FAM184B: variants seen among roughly 807,000 people sequenced by gnomAD.
FAM184B encodes family with sequence similarity 184 member B.
A neutral mutation model predicts 135.9 loss-of-function variants in FAM184B; 111 were observed. That is an observed-to-expected ratio of 0.82 (90% confidence interval 0.70 to 0.96). FAM184B has a LOEUF of 0.96. Among genes scored for constraint, FAM184B ranks in the 40% least tolerant of loss-of-function variants. The pLI, the probability that FAM184B is intolerant of heterozygous loss-of-function variation, is 0.00. For synonymous variants in FAM184B, 552 were observed against 524.8 expected, an observed-to-expected ratio of 1.05 and a Z score of -0.71; for missense variants, 1,375 against 1,323.9, an observed-to-expected ratio of 1.04 and a Z score of -0.60.
chr4:17,751,823 G>A (rs370653663), intron 1 of FAM184B, among the ~76,000 whole-genome samples: 23 of 115,900 alleles, frequency 2.0e-4, no homozygotes, highest in Admixed American at 6.8e-4. Context: ...TAAAAACAAG[G>A]CACACACACA....
chr4:17,744,490 CCACA>C (rs1553841921), intron 1 of FAM184B, among the ~76,000 whole-genome samples: 123 of 137,472 alleles, frequency 8.9e-4, no homozygotes, highest in African/African-American at 3.2e-3. Flanking sequence ...CACACACACA[CCACA>C]CACACACACA....
At chr4:17,751,245 T>C (rs1577289370) in intron 1 of FAM184B, among the ~76,000 whole-genome samples, 3 of 142,586 alleles carry the variant, frequency 2.1e-5, no homozygotes, top group Admixed American at 7.4e-5. Context: ...GAGGTGGAGG[T>C]TGCAGTAAGA....
intron 1 of FAM184B, among the ~76,000 whole-genome samples, chr4:17,777,401 AT>A (rs1275950614): frequency 6.6e-6 from 1 of 152,222 alleles, no homozygotes; most frequent in Non-Finnish European, 1.5e-5. Flanking sequence ...GATTATGGTT[AT>A]GGCTTAATGA....
intron 7 of FAM184B, 116 bp downstream of exon 7, chr4:17,688,308 G>A (rs1716638499): frequency 1.4e-6 from 1 of 727,104 alleles, no homozygotes; most frequent in Non-Finnish European, 2.2e-6. Context: ...TTTTGGCAGT[G>A]TCGAGGAGAG....
rs142601231 is a variant in FAM184B, at chr4:17,660,462, T to G, written c.1695-375A>C. Among the ~76,000 whole-genome samples the G allele has an allele frequency of 3.0e-3, 454 of 152,162 alleles. 4 individuals carry two copies. Among genetic ancestry groups the G allele is most frequent in the South Asian group, 0.024 (115 of 4,810 alleles). ...AAAAAGAGATCTCTATGGTCTTAATTTTGCAGCTTTTTCTGCATCTATAAA... is the reference window on the plus strand; with the variant it reads ...AAAAAGAGATCTCTATGGTCTTAATGTTGCAGCTTTTTCTGCATCTATAAA... On this transcript the variant is annotated intron_variant, in intron 8 of 17. Coordinates refer to ENST00000265018, the MANE Select transcript of FAM184B (RefSeq NM_015688.2).
In FAM184B at chr4:17,760,222, T is replaced by C. The variant is rs1161447671; in HGVS notation, c.141+20937A>G. On this transcript the variant is annotated intron_variant, in intron 1 of 17. Coordinates refer to ENST00000265018, the MANE Select transcript of FAM184B (RefSeq NM_015688.2). ...GGCTCACGCCTGTAATCTCAGCACT[T>C]TGGGAGGCCGAGGTGGGCAGATCAC... Among the ~76,000 whole-genome samples the C allele has an allele frequency of 4.6e-5, 7 of 152,038 alleles. No homozygotes were observed. The South Asian group carries it at 8.3e-4, about 18-fold the overall frequency.
chr4:17,733,412 A>G (rs574189522), intron 1 of FAM184B, among the ~76,000 whole-genome samples: 170 of 152,354 alleles, frequency 1.1e-3, no homozygotes, highest in African/African-American at 3.9e-3. Flanking sequence ...TGCAGATGAC[A>G]TGATTGTATA....
chr4:17,762,524 T>C (rs768835705), intron 1 of FAM184B, among the ~76,000 whole-genome samples: 3 of 152,154 alleles, frequency 2.0e-5, no homozygotes, highest in Non-Finnish European at 4.4e-5. Context: ...CAACACACGA[T>C]ATTGTCATGG....
At chr4:17,746,766 G>T (rs182861448) in intron 1 of FAM184B, among the ~76,000 whole-genome samples, 1 of 149,892 alleles carries the variant, frequency 6.7e-6, no homozygotes. Flanking sequence ...GGCTGGGCAC[G>T]ATGGCTCACA....
At chr4:17,701,099 C>A (rs1361111918) in intron 5 of FAM184B, among the ~76,000 whole-genome samples, 1 of 152,210 alleles carries the variant, frequency 6.6e-6, no homozygotes. Context: ...TACACACTGA[C>A]TTGACTCTGG....
intron 5 of FAM184B, among the ~76,000 whole-genome samples, chr4:17,698,863 GTT>G (rs1716923936): frequency 6.6e-6 from 1 of 152,242 alleles, no homozygotes; most frequent in East Asian, 1.9e-4. Context: ...AAAACTAGAT[GTT>G]CAACAACTTA....
intron 7 of FAM184B, among the ~76,000 whole-genome samples, chr4:17,676,229 T>C (rs930215641): frequency 2.6e-5 from 4 of 152,198 alleles, no homozygotes; most frequent in Non-Finnish European, 5.9e-5. Flanking sequence ...ATTGTTGTGT[T>C]TCAGCGAATA....
chr4:17,642,008 G>C, intron 13 of FAM184B, 48 bp downstream of exon 13: 2 of 1,487,320 alleles, frequency 1.3e-6, no homozygotes, highest in Non-Finnish European at 1.8e-6. Context: ...GGGGTGGCGG[G>C]GTAGGGGGTG....
chr4:17,743,026 G>C lies in FAM184B; in HGVS notation c.142-33382C>G, dbSNP rs543866248. Among the ~76,000 whole-genome samples the C allele has an allele frequency of 3.9e-5, 6 of 152,268 alleles. No homozygotes were observed. In the South Asian group the frequency reaches 1.2e-3, roughly 32 times the overall value. On this transcript the variant is annotated intron_variant, in intron 1 of 17. Transcript: ENST00000265018. ...CAGAGAGGAGTGGCCGGCCATTCCA[G>C]CATCCATTTACTCCAGTTCCCGCAC...
intron 7 of FAM184B, among the ~76,000 whole-genome samples, chr4:17,675,415 T>C (rs1281376535): frequency 6.6e-6 from 1 of 152,192 alleles, no homozygotes; most frequent in Admixed American, 6.5e-5. Context: ...ATACAGGCTT[T>C]ATTGCTCTAC....
At chr4:17,723,963 C>T (rs1487575953) in intron 1 of FAM184B, among the ~76,000 whole-genome samples, 2 of 152,160 alleles carry the variant, frequency 1.3e-5, no homozygotes, top group Non-Finnish European at 2.9e-5. Flanking sequence ...GGCAGCAAGA[C>T]TCTCTTAAAC....
At chr4:17,649,923 T>C (rs1363854276) in intron 11 of FAM184B, among the ~76,000 whole-genome samples, 2 of 150,980 alleles carry the variant, frequency 1.3e-5, no homozygotes, top group African/African-American at 4.9e-5. Flanking sequence ...CATTCATCCA[T>C]CCACTGATCC....
At chr4:17,690,379 G>T (rs919334749) in intron 6 of FAM184B, among the ~76,000 whole-genome samples, 4 of 152,170 alleles carry the variant, frequency 2.6e-5, no homozygotes, top group Non-Finnish European at 5.9e-5. Context: ...AGGCAGCAGA[G>T]CCTTGGAGGA....
chr4:17,777,072 C>G (rs1718943370), intron 1 of FAM184B, among the ~76,000 whole-genome samples: 1 of 152,268 alleles, frequency 6.6e-6, no homozygotes. Flanking sequence ...ATCTTCATAG[C>G]AGCATTATTC....
Sources: gnomAD v4.1 joint callset for allele counts (sites outside exome capture counted in the v4.1 genomes callset) on GRCh38, gnomAD v4.1.1 for gene constraint, MANE v1.5 for transcripts, NCBI Gene and HGNC (gene_info 2026-07-23, HGNC 2026-07-21) for gene names.